TBXAS1: variants seen among roughly 807,000 people sequenced by gnomAD.
The protein encoded by TBXAS1 is thromboxane A synthase 1.
TBXAS1 carries 48 observed loss-of-function variants against 60.7 expected under a neutral mutation model. That is an observed-to-expected ratio of 0.79 (90% confidence interval 0.63 to 1.01). The LOEUF (loss-of-function observed/expected upper bound fraction) is 1.01. Among genes scored for constraint, TBXAS1 ranks in the 50% least tolerant of loss-of-function variants. The probability of loss-of-function intolerance (pLI) is 0.00; values close to 1 mark genes in which losing one functional copy is unlikely to be tolerated. For synonymous variants in TBXAS1, 287 were observed against 269.7 expected (o/e 1.06, Z -0.63); for missense variants, 685 against 686.3 (o/e 1.00, Z 0.02).
intron 4 of TBXAS1, among the ~76,000 whole-genome samples, chr7:139,809,598 C>G (rs1439896092): frequency 1.3e-5 from 2 of 152,160 alleles, no homozygotes; most frequent in Non-Finnish European, 2.9e-5. Context: ...GGAGCTCATG[C>G]TGTAACTCTC....
Position 139,829,488 on chromosome 7 carries a change from A to C in TBXAS1, c.89+9A>C. 6.2e-7 allele frequency: 1 copy of C among 1,612,592 alleles called. No homozygotes were observed. On this transcript the variant is annotated intron_variant, in intron 1 of 12. Coordinates refer to ENST00000448866, the MANE Select transcript of TBXAS1 (RefSeq NM_001061.7). ...TTGGCCCTCCTGAAATGGTAAGTGC[A>C]GCCAGCCCTAGGGACTGTGACAGCG...
At chr7:139,868,780 C>T (rs1423555438) in intron 1 of TBXAS1, among the ~76,000 whole-genome samples, 2 of 151,570 alleles carry the variant, frequency 1.3e-5, no homozygotes, top group African/African-American at 4.9e-5. Flanking sequence ...CCTTAGCCTC[C>T]CGAGTAGTTG....
chr7:139,838,995 T>C (rs1392660347), intron 1 of TBXAS1, among the ~76,000 whole-genome samples: 1 of 152,202 alleles, frequency 6.6e-6, no homozygotes, highest in Non-Finnish European at 1.5e-5. Flanking sequence ...GGACAAGAAA[T>C]GAGTTGTACG....
intron 9 of TBXAS1, among the ~76,000 whole-genome samples, chr7:139,997,547 C>T (rs1195804960): frequency 6.6e-6 from 1 of 151,802 alleles, no homozygotes; most frequent in Non-Finnish European, 1.5e-5. Flanking sequence ...TTTATTTGTT[C>T]CTATTTCCCC....
rs118033904 is a variant in TBXAS1 at position 139,854,566 on chromosome 7, C to T, written c.90-17669C>T. On this transcript the variant is annotated intron_variant, in intron 1 of 12. Transcript: ENST00000448866. The stretch of plus-strand genomic sequence containing the variant: ...GGCCAGTTCAGGACCCTACTGAAAA[C>T]TCTATGCCCAAGGGAGAGACGACGA... 5.8e-3 allele frequency among the ~76,000 whole-genome samples: 889 copies of T among 152,244 alleles called. 7 individuals carry two copies. The highest frequency in any genetic ancestry group is 0.026 in the South Asian group (124 of 4,806).
intron 4 of TBXAS1, among the ~76,000 whole-genome samples, chr7:139,915,843 C>T (rs1805922412): frequency 6.6e-6 from 1 of 152,200 alleles, no homozygotes; most frequent in South Asian, 2.1e-4. Context: ...AGCGGCAGTT[C>T]TTAATGTCAT....
chr7:139,837,037 G>A (rs761650962), intron 1 of TBXAS1, among the ~76,000 whole-genome samples: 1 of 152,108 alleles, frequency 6.6e-6, no homozygotes, highest in Non-Finnish European at 1.5e-5. Flanking sequence ...ATATATAAAT[G>A]ACCAACAAAC....
intron 6 of TBXAS1, 30 bp downstream of exon 6, chr7:139,953,486 C>G (rs746909321): frequency 1.2e-6 from 2 of 1,603,072 alleles, no homozygotes; most frequent in East Asian, 2.2e-5. Flanking sequence ...GATGAGAAAT[C>G]GAGTTTTTGA....
At chr7:139,976,882 C>T (rs1811600440) in intron 9 of TBXAS1, among the ~76,000 whole-genome samples, 1 of 152,206 alleles carries the variant, frequency 6.6e-6, no homozygotes, top group Admixed American at 6.5e-5. Flanking sequence ...ACTGGAGCTG[C>T]TGTTTGCTTT....
upstream of TBXAS1, among the ~76,000 whole-genome samples, chr7:139,828,757 A>G (rs1009609090): frequency 2.0e-5 from 3 of 152,168 alleles, no homozygotes; most frequent in Non-Finnish European, 2.9e-5. Flanking sequence ...ACTGACCCCA[A>G]TCGGGATCTT....
rs1365873309 is a variant in TBXAS1, at chr7:139,965,346, G to A, written c.1134+3113G>A. Reference sequence around the variant, plus strand: ...AGTTTAGTGTGCATAAAAGTATATAGGAAGACTGCTTAGAATGCACTTTCC... The same window carrying A: ...AGTTTAGTGTGCATAAAAGTATATAAGAAGACTGCTTAGAATGCACTTTCC... On this transcript the variant is annotated intron_variant, in intron 9 of 12. Coordinates refer to ENST00000448866, the MANE Select transcript of TBXAS1 (RefSeq NM_001061.7). 2.0e-5 allele frequency among the ~76,000 whole-genome samples: 3 copies of A among 152,164 alleles called. No homozygotes were observed. The East Asian group carries it at 5.8e-4, about 29-fold the overall frequency.
intron 4 of TBXAS1, chr7:139,913,475 C>T (rs1166755107): frequency 3.3e-6 from 1 of 306,382 alleles, no homozygotes; most frequent in Non-Finnish European, 6.4e-6. Context: ...TGAGACGGCA[C>T]TTGCCAACTG....
chr7:139,872,043 A>G (rs1801857524), intron 1 of TBXAS1, among the ~76,000 whole-genome samples, 192 bp from the exon 2 acceptor site: 1 of 152,204 alleles, frequency 6.6e-6, no homozygotes, highest in African/African-American at 2.4e-5. Flanking sequence ...GTCACTCAAC[A>G]GGAGGTTGAC....
intron 3 of TBXAS1, 145 bp downstream of exon 3, chr7:139,875,782 G>C (rs1260065144): frequency 5.3e-5 from 57 of 1,077,808 alleles, no homozygotes; most frequent in Non-Finnish European, 7.2e-5. Context: ...GGCCCACAAA[G>C]AGGGAGTCCT....
intron 1 of TBXAS1, among the ~76,000 whole-genome samples, chr7:139,841,177 T>A (rs1195201337): frequency 2.6e-5 from 4 of 152,196 alleles, no homozygotes; most frequent in Non-Finnish European, 5.9e-5. Flanking sequence ...CCTGACTCTT[T>A]TCTCTCCTCT....
At position 140,015,722 on chromosome 7, in the gene TBXAS1, G is replaced by A. The variant is rs760295212; in HGVS notation, c.1227-1G>A. ...CACCCCCGACCTGGTGTTTCCCTCA[G>A]ATTCACACGGGAGGCAGCTCAGGAC... On this transcript the variant is annotated splice_acceptor_variant, in intron 10 of 12. Transcript: ENST00000448866. LOFTEE classifies it high-confidence loss of function. 6.2e-7 allele frequency: 1 copy of A among 1,613,138 alleles called. No individual in the cohort carries two copies. Among genetic ancestry groups the A allele is most frequent in the Non-Finnish European group, 8.5e-7 (1 of 1,180,028 alleles).
chr7:139,930,794 G>A (rs769785001), intron 4 of TBXAS1, among the ~76,000 whole-genome samples: 4 of 152,120 alleles, frequency 2.6e-5, no homozygotes, highest in Non-Finnish European at 4.4e-5. Context: ...GGTGGAGTAC[G>A]GATGGGTGTG....
chr7:139,992,283 T>C (rs1812969853), intron 9 of TBXAS1, among the ~76,000 whole-genome samples: 1 of 152,218 alleles, frequency 6.6e-6, no homozygotes, highest in Admixed American at 6.5e-5. Flanking sequence ...CTATCAAGGC[T>C]CTGAGGCATG....
intron 4 of TBXAS1, among the ~76,000 whole-genome samples, chr7:139,932,742 C>T (rs143273350): frequency 7.9e-4 from 120 of 152,274 alleles, no homozygotes; most frequent in Non-Finnish European, 1.5e-3. Flanking sequence ...TCATCAATTT[C>T]CTCTTATTGT....
Sources: gnomAD v4.1 joint callset for allele counts (sites outside exome capture counted in the v4.1 genomes callset) on GRCh38, gnomAD v4.1.1 for gene constraint, MANE v1.5 for transcripts, NCBI Gene and HGNC (gene_info 2026-07-23, HGNC 2026-07-21) for gene names.